PRKAR1B: variants seen among roughly 807,000 people sequenced by gnomAD.
PRKAR1B encodes protein kinase cAMP-dependent type I regulatory subunit beta.
Under a neutral mutation model 46.5 loss-of-function variants are expected in PRKAR1B, and 22 were observed. The observed-to-expected ratio is 0.47, with a 90% CI of 0.34 to 0.68. PRKAR1B has a LOEUF of 0.68. PRKAR1B is among the 30% of genes least tolerant of loss of function. PRKAR1B has a pLI of 0.01. For synonymous variants in PRKAR1B, 259 were observed against 217.7 expected, an observed-to-expected ratio of 1.19 and a Z score of -1.67; for missense variants, 445 against 535.6, an observed-to-expected ratio of 0.83 and a Z score of 1.67.
At chr7:557,481 G>A (rs1035942934) in intron 9 of PRKAR1B, among the ~76,000 whole-genome samples, 7 of 152,212 alleles carry the variant, frequency 4.6e-5, no homozygotes, top group Admixed American at 1.3e-4. Flanking sequence ...GACAGTCCCC[G>A]TCCTGTGCCT....
At chr7:664,967 G>A (rs1020247966) in intron 4 of PRKAR1B, among the ~76,000 whole-genome samples, 5 of 152,134 alleles carry the variant, frequency 3.3e-5, no homozygotes, top group African/African-American at 1.2e-4. Flanking sequence ...CCACAGGCAA[G>A]ATCCACGCAG....
At chr7:573,912 G>A (rs868840443) in intron 9 of PRKAR1B, among the ~76,000 whole-genome samples, 4 of 152,338 alleles carry the variant, frequency 2.6e-5, no homozygotes, top group Middle Eastern at 3.4e-3. Flanking sequence ...GGCGTGGCTG[G>A]CAGAATCCCC....
chr7:632,112 G>A (rs1006841775), intron 4 of PRKAR1B, among the ~76,000 whole-genome samples: 2 of 152,228 alleles, frequency 1.3e-5, no homozygotes, highest in Non-Finnish European at 2.9e-5. Flanking sequence ...TGACCCTCCT[G>A]CGCACACGCA....
chr7:715,177 C>T (rs552395136), intron 1 of PRKAR1B, among the ~76,000 whole-genome samples: 15 of 152,172 alleles, frequency 9.9e-5, no homozygotes, highest in South Asian at 6.2e-4. Flanking sequence ...AACTCCGTCT[C>T]GAAATAAATA....
At chr7:551,882 T>C (rs1583186290) in intron 9 of PRKAR1B, among the ~76,000 whole-genome samples, 1 of 47,916 alleles carries the variant, frequency 2.1e-5, no homozygotes. Flanking sequence ...AACCCCCACC[T>C]CCCGCCCAGG....
At chr7:627,784 GGCA>G (rs72163900) in intron 4 of PRKAR1B, among the ~76,000 whole-genome samples, 88,756 of 151,616 alleles carry the variant, frequency 0.59, 26,593 homozygotes, top group South Asian at 0.81. Flanking sequence ...CTCAGGCTCA[GGCA>G]GCCTGGAAGA....
chr7:711,527 C>A lies in PRKAR1B; in HGVS notation c.-22G>T. ...CCATGGCGAGGGTGGCTGCTTCCTT[C>A]CTGTCCAGAAAACACACAGATCCCC... On this transcript the variant is annotated splice_region_variant and 5_prime_UTR_variant, in exon 2 of 11. Coordinates refer to ENST00000537384, the MANE Select transcript of PRKAR1B (RefSeq NM_001164760.2). 6.2e-7 allele frequency: 1 copy of A among 1,610,832 alleles called. No individual in the cohort carries two copies. The highest frequency in any genetic ancestry group is 8.5e-7 in the Non-Finnish European group (1 of 1,178,458).
chr7:560,389 T>TAATAAA lies in PRKAR1B; in HGVS notation c.892-8920_892-8919insTTTATT, dbSNP rs917607162. 1.4e-5 allele frequency among the ~76,000 whole-genome samples: 2 copies of TAATAAA among 146,192 alleles called. No homozygotes were observed. Among genetic ancestry groups the TAATAAA allele is most frequent in the Non-Finnish European group, 3.0e-5 (2 of 66,984 alleles). Reference sequence around the variant, plus strand: ...ATAATAATAATAATAATAATAATAATAAATATATTTTAAAAGAAACTTTGT... The same window carrying TAATAAA: ...ATAATAATAATAATAATAATAATAATAATAAAAAATATATTTTAAAAGAAACTTTGT... On this transcript the variant is annotated intron_variant, in intron 9 of 10. Transcript: ENST00000537384. This position sits in a 1 kb window ranked among gnomAD's most constrained non-coding sequence, Gnocchi z 4.2.
At chr7:701,424 G>C (rs1780064757) in intron 2 of PRKAR1B, among the ~76,000 whole-genome samples, 1 of 152,150 alleles carries the variant, frequency 6.6e-6, no homozygotes, top group Non-Finnish European at 1.5e-5. Context: ...TGTCACTGGA[G>C]TCCCTGAAAG....
chr7:550,169 CGGGGAGGCGTGTGGGGAGGAAGCT>C lies in PRKAR1B; in HGVS notation c.*237_*260del. 1 of 465,322 alleles carries C rather than the reference CGGGGAGGCGTGTGGGGAGGAAGCT, an allele frequency of 2.1e-6. No homozygotes were observed. The highest frequency in any genetic ancestry group is 2.2e-5 in the South Asian group (1 of 44,902). 28.8% of individuals were successfully genotyped at this position (465,322 alleles called of 1,614,324 possible). A position where few individuals can be genotyped will look rare whatever the true frequency, so the allele number is the denominator to read the frequency against. Reference sequence around the variant, plus strand: ...CCCAGGAGAAGCCCACAGAGGCAGCCGGGGAGGCGTGTGGGGAGGAAGCTGGCCTGTCCCTTCCTTGATCTTGGG... The same window carrying C: ...CCCAGGAGAAGCCCACAGAGGCAGCCGGCCTGTCCCTTCCTTGATCTTGGG... On this transcript the variant is annotated 3_prime_UTR_variant, in exon 11 of 11. Transcript: ENST00000537384.
intron 2 of PRKAR1B, among the ~76,000 whole-genome samples, chr7:681,454 A>G (rs1778681904): frequency 6.6e-6 from 1 of 152,174 alleles, no homozygotes; most frequent in African/African-American, 2.4e-5. Flanking sequence ...GAGGCTCTCC[A>G]GGTAATTTTT....
chr7:717,310 A>G (rs1780916829), intron 1 of PRKAR1B, among the ~76,000 whole-genome samples: 1 of 150,972 alleles, frequency 6.6e-6, no homozygotes, highest in South Asian at 2.1e-4. Flanking sequence ...AGAAAGAAAG[A>G]GAGAGAGACA....
At chr7:582,450 A>T (rs2128444913) in intron 8 of PRKAR1B, among the ~76,000 whole-genome samples, 1 of 152,380 alleles carries the variant, frequency 6.6e-6, no homozygotes, top group Non-Finnish European at 1.5e-5. Flanking sequence ...CTTTGTGCCG[A>T]TGCTGACTGG....
intron 4 of PRKAR1B, among the ~76,000 whole-genome samples, chr7:661,375 C>T (rs1174677179): frequency 1.2e-5 from 1 of 84,852 alleles, no homozygotes; most frequent in Non-Finnish European, 2.3e-5. Context: ...CAGGTCCCCA[C>T]CCCAACAGAT....
chr7:688,542 C>G (rs1779230398), intron 2 of PRKAR1B, among the ~76,000 whole-genome samples: 1 of 152,218 alleles, frequency 6.6e-6, no homozygotes, highest in Non-Finnish European at 1.5e-5. Flanking sequence ...CCCCATACCC[C>G]TCACCTGCCC....
intron 2 of PRKAR1B, among the ~76,000 whole-genome samples, chr7:687,523 C>T (rs1399241672): frequency 2.0e-5 from 3 of 152,160 alleles, no homozygotes; most frequent in African/African-American, 7.2e-5. Context: ...GACTGCAGTA[C>T]AAAGACAGGA....
At chr7:576,309 C>T (rs1021368253) in intron 9 of PRKAR1B, among the ~76,000 whole-genome samples, 4 of 152,220 alleles carry the variant, frequency 2.6e-5, no homozygotes, top group Non-Finnish European at 4.4e-5. Flanking sequence ...TCCTTCAACG[C>T]TGGCCAGAAT....
chr7:722,096 C>CTTTTTTTT (rs147399956), intron 1 of PRKAR1B, among the ~76,000 whole-genome samples: 20 of 92,350 alleles, frequency 2.2e-4, no homozygotes, highest in East Asian at 7.6e-4. Flanking sequence ...AGTTTTCAGC[C>CTTTTTTTT]TTTTTTTTTT....
At chr7:614,160 G>A (rs902935681) in intron 4 of PRKAR1B, among the ~76,000 whole-genome samples, 2 of 152,212 alleles carry the variant, frequency 1.3e-5, no homozygotes, top group African/African-American at 4.8e-5. Context: ...GCACTTCTTC[G>A]GACTCACAGG....
Sources: gnomAD v4.1 joint callset for allele counts (sites outside exome capture counted in the v4.1 genomes callset) on GRCh38, gnomAD v4.1.1 for gene constraint, Gnocchi (gnomAD v3.1) non-coding constraint, MANE v1.5 for transcripts, NCBI Gene and HGNC (gene_info 2026-07-23, HGNC 2026-07-21) for gene names.